EGFLAM: variants seen among roughly 807,000 people sequenced by gnomAD.
The protein encoded by EGFLAM is EGF like, fibronectin type III and laminin G domains.
Under a neutral mutation model 113.1 loss-of-function variants are expected in EGFLAM, and 79 were observed. That is an observed-to-expected ratio of 0.70 (90% CI 0.58 to 0.84). EGFLAM has a LOEUF of 0.84. Ranked by LOEUF, EGFLAM falls within the 40% of genes least tolerant of loss-of-function variation. The pLI is 0.00. For missense variants in EGFLAM, 1,265 were observed against 1,291.6 expected (o/e 0.98, Z 0.32); for synonymous variants, 504 against 487.6 (o/e 1.03, Z -0.44).
At chr5:38,438,140 A>C (rs1272899261) in intron 16 of EGFLAM, 135 bp from the exon 17 acceptor site, 1 of 730,662 alleles carries the variant, frequency 1.4e-6, no homozygotes, top group Non-Finnish European at 2.0e-6. Context: ...AAAAAAAAAA[A>C]GTGGAAACTG....
intron 5 of EGFLAM, among the ~76,000 whole-genome samples, chr5:38,363,536 G>T (rs1471048116): frequency 6.6e-6 from 1 of 152,072 alleles, no homozygotes; most frequent in East Asian, 1.9e-4. Context: ...TTCTTATCTG[G>T]TTACAATGGT....
chr5:38,452,336 C>A (rs1450360626), intron 19 of EGFLAM, among the ~76,000 whole-genome samples: 1 of 152,076 alleles, frequency 6.6e-6, no homozygotes, highest in African/African-American at 2.4e-5. Flanking sequence ...CTGGCTTGTA[C>A]TCTCTCATTT....
intron 6 of EGFLAM, chr5:38,401,108 A>T: frequency 6.6e-6 from 1 of 152,206 alleles, no homozygotes; most frequent in African/African-American, 2.4e-5. Context: ...TACTTGTCGA[A>T]ATGAGCAGAG....
At chr5:38,431,080 C>G in intron 14 of EGFLAM, 97 bp from the exon 15 acceptor site, 1 of 1,069,138 alleles carries the variant, frequency 9.4e-7, no homozygotes, top group Non-Finnish European at 1.4e-6. Context: ...AACACACTCA[C>G]AGACACACCC....
chr5:38,282,821 C>T lies in EGFLAM; in HGVS notation c.97+23970C>T, dbSNP rs570522611. 4.6e-5 allele frequency among the ~76,000 whole-genome samples: 7 copies of T among 152,210 alleles called. No individual in the cohort carries two copies. The East Asian group carries it at 1.2e-3, about 25-fold the overall frequency. ...CTGAATCCCAGTTCTCATTCCCAAC[C>T]TGCATTGAGTTTTTTGTTTGTTTGC... is the stretch of plus-strand genomic sequence containing the variant. On this transcript the variant is annotated intron_variant, in intron 1 of 21. Coordinates refer to ENST00000322350, the MANE Select transcript of EGFLAM (RefSeq NM_152403.4).
intron 20 of EGFLAM, among the ~76,000 whole-genome samples, chr5:38,461,498 T>C (rs1743270750): frequency 6.6e-6 from 1 of 152,102 alleles, no homozygotes; most frequent in African/African-American, 2.4e-5. Flanking sequence ...AAAAATGGAA[T>C]ATTTTAGAGT....
At chr5:38,264,055 C>G (rs141548393) in intron 1 of EGFLAM, among the ~76,000 whole-genome samples, 9 of 152,196 alleles carry the variant, frequency 5.9e-5, no homozygotes, top group African/African-American at 1.9e-4. Context: ...GGCTGACAGC[C>G]GTGGCATGTC....
At chr5:38,377,855 G>C (rs1274374010) in intron 6 of EGFLAM, among the ~76,000 whole-genome samples, 1 of 152,174 alleles carries the variant, frequency 6.6e-6, no homozygotes, top group Non-Finnish European at 1.5e-5. Flanking sequence ...GCGGGTTGGT[G>C]AAAGGAGAGA....
chr5:38,415,696 C>A (rs918914135), intron 11 of EGFLAM, among the ~76,000 whole-genome samples: 2 of 152,142 alleles, frequency 1.3e-5, no homozygotes, highest in Admixed American at 1.3e-4. Flanking sequence ...TTAGTCCGTT[C>A]TCATACTGCT....
At chr5:38,375,364 C>T (rs1207349840) in intron 6 of EGFLAM, among the ~76,000 whole-genome samples, 1 of 152,178 alleles carries the variant, frequency 6.6e-6, no homozygotes, top group Admixed American at 6.5e-5. Flanking sequence ...CCATTCTCGT[C>T]CCTCTCACTC....
intron 20 of EGFLAM, chr5:38,462,652 C>A (rs921707520): frequency 7.5e-6 from 3 of 400,484 alleles, no homozygotes; most frequent in Non-Finnish European, 1.4e-5. Flanking sequence ...AATTCCACAG[C>A]ACCCTTGTGG....
At chr5:38,329,367 T>C (rs1303035880) in intron 1 of EGFLAM, among the ~76,000 whole-genome samples, 1 of 152,070 alleles carries the variant, frequency 6.6e-6, no homozygotes, top group Non-Finnish European at 1.5e-5. Flanking sequence ...AAAATTCAAT[T>C]ATTTTCTATA....
chr5:38,332,729 A>G (rs1191804485), intron 1 of EGFLAM, among the ~76,000 whole-genome samples: 1 of 152,344 alleles, frequency 6.6e-6, no homozygotes, highest in East Asian at 1.9e-4. Context: ...TGGGCTAGTT[A>G]TCTGCAGCAG....
chr5:38,330,667 G>C (rs1317404494), intron 1 of EGFLAM, among the ~76,000 whole-genome samples: 1 of 152,148 alleles, frequency 6.6e-6, no homozygotes, highest in Non-Finnish European at 1.5e-5. Context: ...GTGACCCAAG[G>C]AGCCTGCCTT....
chr5:38,371,394 A>G (rs1481165870), intron 6 of EGFLAM, among the ~76,000 whole-genome samples: 1 of 152,142 alleles, frequency 6.6e-6, no homozygotes, highest in Non-Finnish European at 1.5e-5. Flanking sequence ...ATTGGTTAGC[A>G]GAGCTGAATA....
At chr5:38,439,392 A>G (rs577603151) in intron 17 of EGFLAM, among the ~76,000 whole-genome samples, 19 of 152,250 alleles carry the variant, frequency 1.2e-4, no homozygotes, top group Non-Finnish European at 2.6e-4. Context: ...AACTTAAAAA[A>G]AAAAAAAAAC....
intron 5 of EGFLAM, among the ~76,000 whole-genome samples, chr5:38,362,374 T>C (rs1739946037): frequency 6.6e-6 from 1 of 152,198 alleles, no homozygotes; most frequent in African/African-American, 2.4e-5. Context: ...ATAGCAAAAC[T>C]TGGACATATG....
At chr5:38,445,562 A>C in intron 17 of EGFLAM, 1 of 1,593,968 alleles carries the variant, frequency 6.3e-7, no homozygotes, top group Non-Finnish European at 8.5e-7. Flanking sequence ...TCTCGGGCAG[A>C]GCTTTGTGAG....
intron 17 of EGFLAM, among the ~76,000 whole-genome samples, chr5:38,443,760 C>G (rs1450808548): frequency 6.7e-6 from 1 of 149,874 alleles, no homozygotes; most frequent in East Asian, 1.9e-4. Flanking sequence ...AACCGTGGTC[C>G]CTTCAACTCT....
Sources: gnomAD v4.1 joint callset for allele counts (sites outside exome capture counted in the v4.1 genomes callset) on GRCh38, gnomAD v4.1.1 for gene constraint, MANE v1.5 for transcripts, NCBI Gene and HGNC (gene_info 2026-07-23, HGNC 2026-07-21) for gene names.